The following ATOSA variants were observed in gnomAD, a reference collection of about 807,000 sequenced individuals.
ATOSA encodes atos homolog protein A.
chr15:52,636,770 A>G, the ATOSA span, among the ~76,000 whole-genome samples: 7 of 152,212 alleles, frequency 4.6e-5, no homozygotes, highest in Admixed American at 3.3e-4. Flanking sequence ...CCTGAAACTC[A>G]GGGGAAGTGG....
chr15:52,620,000 C>T, the ATOSA span, among the ~76,000 whole-genome samples: 2 of 152,048 alleles, frequency 1.3e-5, no homozygotes, highest in Non-Finnish European at 2.9e-5. Context: ...TACCTAAGAC[C>T]TCAATGAGGA....
the ATOSA span, among the ~76,000 whole-genome samples, chr15:52,588,786 G>C: frequency 4.4e-4 from 67 of 152,322 alleles, 4 homozygotes; most frequent in South Asian, 0.013. Context: ...AATGAATGCT[G>C]ATGCATTTAC....
At chr15:52,672,947 C>G in the ATOSA span, among the ~76,000 whole-genome samples, 1 of 152,128 alleles carries the variant, frequency 6.6e-6, no homozygotes, top group Non-Finnish European at 1.5e-5. Flanking sequence ...CTACTGATGC[C>G]AAGACTCATC....
At chr15:52,650,471 T>G in the ATOSA span, among the ~76,000 whole-genome samples, 1 of 152,180 alleles carries the variant, frequency 6.6e-6, no homozygotes, top group African/African-American at 2.4e-5. Flanking sequence ...TTTGTAAATT[T>G]TCACCAATTA....
the ATOSA span, among the ~76,000 whole-genome samples, chr15:52,689,794 T>C: frequency 6.6e-6 from 1 of 152,224 alleles, no homozygotes; most frequent in Non-Finnish European, 1.5e-5. Context: ...GATGGGAAGG[T>C]AGTGATGTGC....
At chr15:52,674,065 T>C in the ATOSA span, among the ~76,000 whole-genome samples, 3 of 152,226 alleles carry the variant, frequency 2.0e-5, no homozygotes, top group East Asian at 5.8e-4. Context: ...ATTAAAACAG[T>C]AGATTTAAAT....
At chr15:52,587,938 G>A in the ATOSA span, among the ~76,000 whole-genome samples, 4 of 152,090 alleles carry the variant, frequency 2.6e-5, no homozygotes, top group Non-Finnish European at 4.4e-5. Flanking sequence ...ATTTTGTTTG[G>A]TCATTTACTT....
chr15:52,688,337 G>T, the ATOSA span, among the ~76,000 whole-genome samples: 1 of 152,280 alleles, frequency 6.6e-6, no homozygotes, highest in East Asian at 1.9e-4. Flanking sequence ...CTATTCCAAT[G>T]ATCCAACCTC....
At chr15:52,636,901 G>A in the ATOSA span, among the ~76,000 whole-genome samples, 1 of 152,162 alleles carries the variant, frequency 6.6e-6, no homozygotes, top group South Asian at 2.1e-4. Context: ...TTTTACACTT[G>A]GGGAATTTGG....
At chr15:52,628,261 A>G in the ATOSA span, among the ~76,000 whole-genome samples, 2 of 152,228 alleles carry the variant, frequency 1.3e-5, no homozygotes, top group East Asian at 3.8e-4. Flanking sequence ...TAAGACTAAT[A>G]GTATTTTATA....
chr15:52,690,913 T>C, the ATOSA span, among the ~76,000 whole-genome samples: 1 of 152,168 alleles, frequency 6.6e-6, no homozygotes, highest in Non-Finnish European at 1.5e-5. Context: ...CTTGGTGAAA[T>C]TGAAATGTCA....
the ATOSA span, among the ~76,000 whole-genome samples, chr15:52,601,993 C>T: frequency 6.6e-6 from 1 of 152,140 alleles, no homozygotes; most frequent in Non-Finnish European, 1.5e-5. Context: ...CTGGAAAGTT[C>T]TCTGCCTTCA....
At chr15:52,705,050 C>G in the ATOSA span, among the ~76,000 whole-genome samples, 8 of 152,184 alleles carry the variant, frequency 5.3e-5, no homozygotes, top group Non-Finnish European at 8.8e-5. Context: ...AAGACACATG[C>G]ACACATATGT....
At chr15:52,678,735 CG>C in the ATOSA span, 1 of 153,202 alleles carries the variant, frequency 6.5e-6, no homozygotes. Flanking sequence ...CGGCCGGCTC[CG>C]GGGGAGGTGT....
At chr15:52,596,347 G>C in the ATOSA span, among the ~76,000 whole-genome samples, 3 of 152,104 alleles carry the variant, frequency 2.0e-5, no homozygotes, top group Non-Finnish European at 4.4e-5. Flanking sequence ...AAAGATAAAG[G>C]AGCTAGAATA....
chr15:52,602,170 A>C, the ATOSA span, among the ~76,000 whole-genome samples: 1 of 152,162 alleles, frequency 6.6e-6, no homozygotes, highest in East Asian at 1.9e-4. Flanking sequence ...CTCACTCACA[A>C]AATCTCTATT....
At chr15:52,609,967 T>C in the ATOSA span, 22 of 1,613,122 alleles carry the variant, frequency 1.4e-5, no homozygotes, top group Admixed American at 1.3e-4. Flanking sequence ...GCCTAGAATA[T>C]TGGCTTGAGA....
chr15:52,650,797 G>A, the ATOSA span, among the ~76,000 whole-genome samples: 4 of 152,178 alleles, frequency 2.6e-5, no homozygotes, highest in South Asian at 8.3e-4. Flanking sequence ...CATGTAAAAC[G>A]AAAAAGCAAA....
At chr15:52,661,943 A>AAAC in the ATOSA span, among the ~76,000 whole-genome samples, 1 of 151,426 alleles carries the variant, frequency 6.6e-6, no homozygotes, top group South Asian at 2.1e-4. Context: ...AAAAAAAAAA[A>AAAC]AAAAAAAAAC....
Sources: allele counts gnomAD v4.1 joint callset (sites outside exome capture counted in the v4.1 genomes callset), GRCh38; gene constraint gnomAD v4.1.1; transcripts MANE v1.5; gene names NCBI Gene and HGNC (gene_info 2026-07-23, HGNC 2026-07-21).